Variants in PHF20 observed in about 807,000 individuals in gnomAD.
PHF20 encodes glioma-expressed antigen 2.
PHF20 carries 23 observed loss-of-function variants against 113.5 expected under a neutral mutation model. The observed-to-expected ratio is 0.20, with a 90% CI of 0.15 to 0.29. PHF20 has a LOEUF of 0.29. Ranked by LOEUF, PHF20 falls within the 10% of genes least tolerant of loss-of-function variation. The pLI, the probability that PHF20 is intolerant of heterozygous loss-of-function variation, is 1.00. For synonymous variants in PHF20, 434 were observed against 457.3 expected, an observed-to-expected ratio of 0.95 and a Z score of 0.65; for missense variants, 943 against 1,219.6, an observed-to-expected ratio of 0.77 and a Z score of 3.38.
At chr20:35,926,004 C>T (rs1182320686) in intron 13 of PHF20, among the ~76,000 whole-genome samples, 6 of 150,670 alleles carry the variant, frequency 4.0e-5, no homozygotes, top group African/African-American at 1.5e-4. Flanking sequence ...TGCCTATAGT[C>T]CCAGCTACTC....
rs139572409 is a variant in PHF20 at position 35,938,988 on chromosome 20, C to T, written c.2592C>T (p.Leu864=). The change falls in exon 16 of 18, where the codon CTC becomes CTT. Residue 864 remains leucine (L), a synonymous_variant. Transcript: ENST00000374012. ...TGGTGGAGACGAGGGGCTCTGCCCT[C>T]GACGATGCGGTCAACCCCCTCCATG... ...KLVVETRGSA[L]DDAVNPLHEN... 213 of 1,614,024 alleles carry T rather than the reference C, an allele frequency of 1.3e-4. No individual in the cohort carries two copies. The African/African-American group carries it at 2.2e-3, about 16-fold the overall frequency.
chr20:35,857,360 A>C (rs1293971887), intron 4 of PHF20, among the ~76,000 whole-genome samples: 1 of 152,098 alleles, frequency 6.6e-6, no homozygotes, highest in East Asian at 1.9e-4. Context: ...GCAGGGACGG[A>C]TCTTTATTGA....
chr20:35,811,932 G>A (rs891558228), intron 2 of PHF20, among the ~76,000 whole-genome samples: 17 of 151,396 alleles, frequency 1.1e-4, no homozygotes, highest in South Asian at 2.1e-4. Context: ...CACCACGCCC[G>A]GCTAATTTTT....
At chr20:35,776,480 C>CT (rs1270301683) in intron 1 of PHF20, among the ~76,000 whole-genome samples, 3 of 152,200 alleles carry the variant, frequency 2.0e-5, no homozygotes, top group Non-Finnish European at 4.4e-5. Flanking sequence ...ACCCACATGT[C>CT]TAATCTATTC....
At chr20:35,939,157 C>T (rs749952642) in intron 16 of PHF20, 49 bp downstream of exon 16, 3 of 1,483,158 alleles carry the variant, frequency 2.0e-6, no homozygotes. Context: ...TGAATGCTTG[C>T]AAGTTATCCT....
rs1192561685 is a variant in PHF20, at chr20:35,947,352, C to T, written c.2897-133C>T. ...GCTGAAATGGCCCTTCCTCCCTTGC[C>T]CCATGGAGGCTGAAATGGCCCTTCC... On this transcript the variant is annotated intron_variant, in intron 17 of 17. Transcript: ENST00000374012. 4.8e-5 allele frequency: 39 copies of T among 804,598 alleles called. No homozygotes were observed. The Admixed American group carries it at 8.9e-4, about 18-fold the overall frequency. 49.8% of individuals were successfully genotyped at this position (804,598 alleles called of 1,614,324 possible).
intron 1 of PHF20, among the ~76,000 whole-genome samples, 174 bp from the exon 2 acceptor site, chr20:35,801,317 C>T (rs140338089): frequency 1.4e-4 from 21 of 152,078 alleles, no homozygotes; most frequent in African/African-American, 4.1e-4. Flanking sequence ...GGAAGCTGCA[C>T]GATGGAGGAA....
chr20:35,827,156 C>CA (rs1568618155), intron 2 of PHF20, among the ~76,000 whole-genome samples: 1 of 152,158 alleles, frequency 6.6e-6, no homozygotes. Flanking sequence ...GGCTGGAGTG[C>CA]AATGGTACGA....
At chr20:35,856,343 C>G (rs957304605) in intron 4 of PHF20, 5 of 152,170 alleles carry the variant, frequency 3.3e-5, no homozygotes, top group African/African-American at 9.7e-5. Context: ...GGTTCTTGGA[C>G]TTTGGTGTAC....
At position 35,775,992 on chromosome 20, in the gene PHF20, T is replaced by A. The variant is rs184962152; in HGVS notation, c.-33+3913T>A. Among the ~76,000 whole-genome samples the A allele has an allele frequency of 1.7e-3, 266 of 152,234 alleles. 2 individuals are homozygous for A. The highest frequency in any genetic ancestry group is 2.6e-3 in the Non-Finnish European group (179 of 68,024). On this transcript the variant is annotated intron_variant, in intron 1 of 17. Transcript: ENST00000374012. ...CACCTGGCTAATTTTAAATTTTTTG[T>A]AGAGATGAGATCTTGCCATTTTGCC... is the stretch of plus-strand genomic sequence containing the variant.
At chr20:35,904,061 A>G (rs2055152987) in intron 10 of PHF20, among the ~76,000 whole-genome samples, 1 of 85,400 alleles carries the variant, frequency 1.2e-5, no homozygotes, top group African/African-American at 7.8e-5. Flanking sequence ...TGCTCTTATC[A>G]GGGTGGAATT....
chr20:35,934,759 G>A (rs1011800458), intron 15 of PHF20, among the ~76,000 whole-genome samples: 4 of 152,142 alleles, frequency 2.6e-5, no homozygotes, highest in Admixed American at 6.5e-5. Context: ...AAGGAGGAGA[G>A]GTTGGATGCT....
intron 2 of PHF20, among the ~76,000 whole-genome samples, chr20:35,812,953 A>G (rs1295762507): frequency 2.0e-5 from 3 of 152,142 alleles, no homozygotes; most frequent in Non-Finnish European, 4.4e-5. Context: ...GTTCTTCTGT[A>G]CGAACAGCTT....
At chr20:35,946,156 G>C (rs1323825945) in intron 17 of PHF20, among the ~76,000 whole-genome samples, 3 of 151,388 alleles carry the variant, frequency 2.0e-5, no homozygotes. Flanking sequence ...CAGGCAACAA[G>C]AGCGAAACTC....
At chr20:35,940,515 G>A (rs1480557944) in intron 16 of PHF20, among the ~76,000 whole-genome samples, 1 of 151,634 alleles carries the variant, frequency 6.6e-6, no homozygotes, top group East Asian at 1.9e-4. Context: ...GACTTGAAAC[G>A]CGTTGGTGTG....
At chr20:35,943,809 CG>C (rs1248123678) in intron 17 of PHF20, among the ~76,000 whole-genome samples, 3 of 146,358 alleles carry the variant, frequency 2.0e-5, no homozygotes, top group Non-Finnish European at 4.6e-5. Flanking sequence ...TTAATAGAGA[CG>C]GGGTTTCACT....
rs2054250176 is a variant in PHF20 at position 35,863,219 on chromosome 20, A to C, written c.627A>C (p.Ser209=). The change falls in exon 6 of 18, where the codon TCA becomes TCC. Residue 209 remains serine, a synonymous_variant. Coordinates refer to ENST00000374012, the MANE Select transcript of PHF20 (RefSeq NM_016436.5). The stretch of plus-strand genomic sequence containing the variant: ...TCTGTTCTGAAAAGGGGAAAGTGTC[A>C]GAGAAAAGTCTTCCCAAGAACGAGA... ...KLICSEKGKV[S]EKSLPKNEKE... is the part of the protein sequence containing the mutation. 1 of 1,614,048 alleles carries C rather than the reference A, an allele frequency of 6.2e-7. No homozygotes were observed. Among genetic ancestry groups the C allele is most frequent in the Non-Finnish European group, 8.5e-7 (1 of 1,180,010 alleles).
intron 12 of PHF20, among the ~76,000 whole-genome samples, chr20:35,915,543 CG>C (rs991831115): frequency 5.9e-5 from 9 of 151,878 alleles, no homozygotes; most frequent in African/African-American, 2.2e-4. Context: ...TACGCCACCA[CG>C]CCTGGCTAAT....
Position 35,801,493 on chromosome 20 carries a change from G to C in PHF20, c.-30G>C. The C allele has an allele frequency of 6.5e-7, 1 of 1,541,724 alleles. No homozygotes were observed. The highest frequency in any genetic ancestry group is 9.0e-7 in the Non-Finnish European group (1 of 1,116,666). On this transcript the variant is annotated splice_region_variant and 5_prime_UTR_variant, in exon 2 of 18. Transcript: ENST00000374012. ...AAATATTTAATTGGCTTTTTCAGGA[G>C]AATAAAGGCAGCCCCGTTGATGACT...
Sources: gnomAD v4.1 joint callset for allele counts (sites outside exome capture counted in the v4.1 genomes callset) on GRCh38, gnomAD v4.1.1 for gene constraint, MANE v1.5 for transcripts, NCBI Gene and HGNC (gene_info 2026-07-23, HGNC 2026-07-21) for gene names.